The following CA10 variants were observed in gnomAD, a reference collection of about 807,000 sequenced individuals.
The protein encoded by CA10 is carbonic anhydrase 10 (inactive).
Under a neutral mutation model 44.2 loss-of-function variants are expected in CA10, and 14 were observed. The ratio of observed to expected loss-of-function variants is 0.32; its 90% CI spans 0.21 to 0.50. The LOEUF (loss-of-function observed/expected upper bound fraction) is 0.50. Ranked by LOEUF, CA10 falls within the 20% of genes least tolerant of loss-of-function variation. The probability of loss-of-function intolerance (pLI) is 0.99; values close to 1 mark genes in which losing one functional copy is unlikely to be tolerated. For missense variants in CA10, 350 were observed against 409.7 expected (o/e 0.85, Z 1.26); for synonymous variants, 159 against 141.6 (o/e 1.12, Z -0.87).
chr17:51,785,141 G>T (rs1906218041), intron 3 of CA10, among the ~76,000 whole-genome samples: 7 of 152,114 alleles, frequency 4.6e-5, no homozygotes, highest in Admixed American at 4.6e-4. Flanking sequence ...GCACTCCATT[G>T]TGTATATGTA....
intron 1 of CA10, among the ~76,000 whole-genome samples, chr17:52,086,210 G>A (rs1481273188): frequency 3.9e-5 from 6 of 152,202 alleles, no homozygotes; most frequent in Admixed American, 3.3e-4. Context: ...TAATGATAGT[G>A]TTGACAATGC....
intron 3 of CA10, among the ~76,000 whole-genome samples, chr17:51,865,971 A>AAAATG (rs1288682637): frequency 6.6e-6 from 1 of 152,228 alleles, no homozygotes; most frequent in African/African-American, 2.4e-5. Flanking sequence ...GGCAGATATA[A>AAAATG]AAATGATGCA....
intron 2 of CA10, among the ~76,000 whole-genome samples, chr17:51,998,178 C>T (rs1598158967): frequency 6.6e-6 from 1 of 152,052 alleles, no homozygotes; most frequent in Non-Finnish European, 1.5e-5. Flanking sequence ...CTTTACAGAA[C>T]CATGTCCTTT....
chr17:51,978,658 T>A (rs1984546316), intron 2 of CA10, among the ~76,000 whole-genome samples: 1 of 152,106 alleles, frequency 6.6e-6, no homozygotes, highest in African/African-American at 2.4e-5. Flanking sequence ...CAATAGGCAT[T>A]AACCATTAAT....
At chr17:52,087,632 C>G (rs1988152533) in intron 1 of CA10, among the ~76,000 whole-genome samples, 1 of 152,176 alleles carries the variant, frequency 6.6e-6, no homozygotes, top group South Asian at 2.1e-4. Context: ...GTGAGAATAG[C>G]TGCCGGAATG....
chr17:52,043,743 T>G (rs770583301), intron 2 of CA10, among the ~76,000 whole-genome samples: 1 of 152,134 alleles, frequency 6.6e-6, no homozygotes, highest in Non-Finnish European at 1.5e-5. Context: ...TATACCTAAT[T>G]TGTTGAGAAT....
intron 3 of CA10, among the ~76,000 whole-genome samples, chr17:51,808,295 G>C (rs1384944951): frequency 6.6e-6 from 1 of 152,128 alleles, no homozygotes; most frequent in Admixed American, 6.6e-5. Flanking sequence ...GTTTAAATTA[G>C]GCAATTTACT....
intron 3 of CA10, among the ~76,000 whole-genome samples, chr17:51,920,805 T>G (rs1191688783): frequency 6.6e-6 from 1 of 152,178 alleles, no homozygotes; most frequent in Non-Finnish European, 1.5e-5. Context: ...TTTGCTTATC[T>G]TTCATCACTT....
In CA10 at chr17:51,889,615, T is replaced by G. The variant is rs538816464; in HGVS notation, c.279+41375A>C. Among the ~76,000 whole-genome samples the G allele has an allele frequency of 6.6e-5, 10 of 152,176 alleles. No individual in the cohort carries two copies. The East Asian group carries it at 1.9e-3, about 29-fold the overall frequency. Reference sequence around the variant, plus strand: ...ACAAGTACTTGAGTACACAAGGACATCACTACTGGGAAGCATGGTTCATTG... The same window carrying G: ...ACAAGTACTTGAGTACACAAGGACAGCACTACTGGGAAGCATGGTTCATTG... On this transcript the variant is annotated intron_variant, in intron 3 of 8. Coordinates refer to ENST00000451037, the MANE Select transcript of CA10 (RefSeq NM_020178.5).
At chr17:52,092,920 C>T (rs1988305913) in intron 1 of CA10, among the ~76,000 whole-genome samples, 1 of 152,074 alleles carries the variant, frequency 6.6e-6, no homozygotes, top group South Asian at 2.1e-4. Flanking sequence ...TATGTAAGTC[C>T]TCACTTAATG....
At chr17:51,913,035 G>C (rs886552513) in intron 3 of CA10, among the ~76,000 whole-genome samples, 1 of 152,184 alleles carries the variant, frequency 6.6e-6, no homozygotes, top group African/African-American at 2.4e-5. Context: ...AGCTGGGGAA[G>C]AGGCAGAAGC....
chr17:51,811,063 G>T (rs559020289), intron 3 of CA10, among the ~76,000 whole-genome samples: 3 of 152,196 alleles, frequency 2.0e-5, no homozygotes, highest in Non-Finnish European at 4.4e-5. Flanking sequence ...GGGCATGGTG[G>T]TGGGTGCCTG....
In CA10 at chr17:51,917,576, C is replaced by T. The variant is rs139611212; in HGVS notation, c.279+13414G>A. Among the ~76,000 whole-genome samples, 7 of 152,244 alleles carry T rather than the reference C, an allele frequency of 4.6e-5. No individual in the cohort carries two copies. In the East Asian group the frequency reaches 9.7e-4, roughly 21 times the overall value. ...ATCTGCTTAGCTTCTGGGGAAGCCT[C>T]GGGGAGTTTTTACTCATGGCAGAAA... On this transcript the variant is annotated intron_variant, in intron 3 of 8. Coordinates refer to ENST00000451037, the MANE Select transcript of CA10 (RefSeq NM_020178.5).
chr17:52,140,180 T>C (rs570152509), intron 1 of CA10, among the ~76,000 whole-genome samples: 11 of 152,272 alleles, frequency 7.2e-5, no homozygotes, highest in Admixed American at 7.2e-4. Flanking sequence ...TAGGACTGTC[T>C]TTTTTACCCC....
chr17:51,992,870 TGTTTC>T (rs1165361337), intron 2 of CA10, among the ~76,000 whole-genome samples: 1 of 152,140 alleles, frequency 6.6e-6, no homozygotes, highest in Non-Finnish European at 1.5e-5. Context: ...CCCAACTTGC[TGTTTC>T]CTTTTCAATT....
chr17:52,046,968 C>T (rs539350273), intron 2 of CA10, among the ~76,000 whole-genome samples: 3 of 152,046 alleles, frequency 2.0e-5, no homozygotes, highest in Non-Finnish European at 2.9e-5. Context: ...CAATTCCTCT[C>T]CTAGGTATTT....
intron 2 of CA10, among the ~76,000 whole-genome samples, chr17:52,068,375 C>A (rs1385985572): frequency 1.3e-5 from 2 of 152,340 alleles, no homozygotes; most frequent in Non-Finnish European, 2.9e-5. Context: ...CCATACTTAA[C>A]TGTGAGTCAA....
intron 2 of CA10, among the ~76,000 whole-genome samples, chr17:51,982,461 G>C (rs1158295169): frequency 6.6e-6 from 1 of 151,942 alleles, no homozygotes; most frequent in African/African-American, 2.4e-5. Flanking sequence ...GGAGGGAAAT[G>C]TAATGCCCTG....
intron 2 of CA10, among the ~76,000 whole-genome samples, chr17:51,973,506 G>A (rs932702621): frequency 6.6e-6 from 1 of 152,188 alleles, no homozygotes; most frequent in East Asian, 1.9e-4. Context: ...AATAACTTCT[G>A]GGGAATTGTG....
Sources: allele counts gnomAD v4.1 joint callset (sites outside exome capture counted in the v4.1 genomes callset), GRCh38; gene constraint gnomAD v4.1.1; transcripts MANE v1.5; gene names NCBI Gene and HGNC (gene_info 2026-07-23, HGNC 2026-07-21).